Variants in SYNE3 observed in about 807,000 individuals in gnomAD.
SYNE3 encodes the protein spectrin repeat containing nuclear envelope family member 3, also known as nesprin-3.
Under a neutral mutation model 111.2 loss-of-function variants are expected in SYNE3, and 100 were observed. The observed-to-expected ratio is 0.90, with a 90% CI of 0.77 to 1.06. The LOEUF (loss-of-function observed/expected upper bound fraction) is 1.06. Ranked by LOEUF, SYNE3 falls within the 50% of genes least tolerant of loss-of-function variation. The pLI is 0.00. For missense variants in SYNE3, 1,160 were observed against 1,240.3 expected (o/e 0.94, Z 0.97); for synonymous variants, 547 against 533.9 (o/e 1.02, Z -0.34).
intron 13 of SYNE3, 130 bp downstream of exon 13, chr14:95,439,482 G>A (rs1331365611): frequency 8.0e-7 from 1 of 1,243,366 alleles, no homozygotes; most frequent in East Asian, 2.4e-5. Flanking sequence ...GCCAAAGTGT[G>A]AAGGTGCCCA....
Position 95,485,508 on chromosome 14 carries a change from C to A in SYNE3, c.-14-9673G>T, listed in dbSNP as rs1167625960. On this transcript the variant is annotated intron_variant, in intron 1 of 17. Transcript: ENST00000682763. This position sits in a 1 kb window ranked among gnomAD's most constrained non-coding sequence, Gnocchi z 4.3. ...GCTCCCCGACCAAAGACAGGACGCCCTAACCTACAGGTGCTAGGAGCTCTG... is the reference window on the plus strand; with the variant it reads ...GCTCCCCGACCAAAGACAGGACGCCATAACCTACAGGTGCTAGGAGCTCTG... 6.6e-6 allele frequency among the ~76,000 whole-genome samples: 1 copy of A among 152,166 alleles called. No individual in the cohort carries two copies. Among genetic ancestry groups the A allele is most frequent in the Non-Finnish European group, 1.5e-5 (1 of 68,018 alleles).
rs558006316 is a variant in SYNE3 at position 95,442,641 on chromosome 14, A to C, written c.1911+514T>G. ...TGAAGGAGCTTTGAGTTCCATCCCT[A>C]CTGCTGGAAGGGGACTGAATCCTGG... On this transcript the variant is annotated intron_variant, in intron 11 of 17. Coordinates refer to ENST00000682763, the MANE Select transcript of SYNE3 (RefSeq NM_152592.6). Among the ~76,000 whole-genome samples, 7 of 152,172 alleles carry C rather than the reference A, an allele frequency of 4.6e-5. No individual in the cohort carries two copies. The South Asian group carries it at 1.5e-3, about 32-fold the overall frequency.
rs1389473469 is a variant in SYNE3 at position 95,437,071 on chromosome 14, G to A, written c.2377-90C>T. 5.2e-6 allele frequency: 8 copies of A among 1,549,564 alleles called. No homozygotes were observed. The Admixed American group carries it at 5.4e-5, about 10-fold the overall frequency. On this transcript the variant is annotated intron_variant, in intron 14 of 17. Coordinates refer to ENST00000682763, the MANE Select transcript of SYNE3 (RefSeq NM_152592.6). ...AATTCCACCTGAGGCAGAGGGGCAGGGACCAGGACAAGATGCCCAAAATGG... is the reference window on the plus strand; with the variant it reads ...AATTCCACCTGAGGCAGAGGGGCAGAGACCAGGACAAGATGCCCAAAATGG...
chr14:95,433,493 T>C, intron 15 of SYNE3, 84 bp from the exon 16 acceptor site: 1 of 1,554,388 alleles, frequency 6.4e-7, no homozygotes, highest in Non-Finnish European at 8.7e-7. Context: ...TCCATCAAAT[T>C]TCACTTGACA....
chr14:95,437,682 T>G (rs760691024), intron 14 of SYNE3: 5 of 152,280 alleles, frequency 3.3e-5, no homozygotes, highest in Non-Finnish European at 7.3e-5. Flanking sequence ...TTGTTTTTTG[T>G]TTTTTGTAAA....
At chr14:95,427,755 C>A (rs1566956740) in intron 17 of SYNE3, among the ~76,000 whole-genome samples, 1 of 143,422 alleles carries the variant, frequency 7.0e-6, no homozygotes, top group Non-Finnish European at 1.5e-5. Flanking sequence ...GGGCCACTAC[C>A]GGTCTCTGTG....
intron 1 of SYNE3, among the ~76,000 whole-genome samples, chr14:95,487,917 T>TTCCTCCTCC (rs57519352): frequency 6.7e-6 from 1 of 149,772 alleles, no homozygotes; most frequent in East Asian, 2.0e-4. Flanking sequence ...ACCCCTCCTC[T>TTCCTCCTCC]TCCTCCTCCT....
At chr14:95,513,737 T>TTATA (rs59944497) in intron 1 of SYNE3, among the ~76,000 whole-genome samples, 4,746 of 92,322 alleles carry the variant, frequency 0.051, 198 homozygotes, top group East Asian at 0.082. Flanking sequence ...GCTGCTTAGA[T>TTATA]TATATATATA....
intron 1 of SYNE3, 87 bp from the exon 2 acceptor site, chr14:95,475,922 A>C: frequency 7.8e-7 from 1 of 1,274,364 alleles, no homozygotes; most frequent in Non-Finnish European, 1.0e-6. Flanking sequence ...GGACAGGCCC[A>C]CTCCCACCAC....
chr14:95,471,906 A>C (rs1888553137), intron 2 of SYNE3, among the ~76,000 whole-genome samples: 1 of 152,250 alleles, frequency 6.6e-6, no homozygotes, highest in Non-Finnish European at 1.5e-5. Flanking sequence ...GGGGTTAATC[A>C]GGGTTTTCCC....
intron 1 of SYNE3, among the ~76,000 whole-genome samples, chr14:95,487,780 T>G (rs1215551832): frequency 6.6e-6 from 1 of 152,158 alleles, no homozygotes; most frequent in Non-Finnish European, 1.5e-5. Context: ...CCTAGAGTTT[T>G]GTACATGAAT....
chr14:95,456,466 A>C (rs1887444607), intron 5 of SYNE3, among the ~76,000 whole-genome samples: 1 of 152,150 alleles, frequency 6.6e-6, no homozygotes, highest in Non-Finnish European at 1.5e-5. Context: ...TGTCCTGTGC[A>C]CTGTAGGATG....
chr14:95,454,843 A>G (rs1270759695), intron 6 of SYNE3, among the ~76,000 whole-genome samples: 3 of 152,148 alleles, frequency 2.0e-5, no homozygotes, highest in Non-Finnish European at 4.4e-5. Context: ...CCACAAGTCA[A>G]GCTTCAGTTC....
intron 1 of SYNE3, among the ~76,000 whole-genome samples, chr14:95,515,387 C>T (rs1215609710): frequency 2.0e-5 from 3 of 152,232 alleles, no homozygotes; most frequent in Non-Finnish European, 4.4e-5. Context: ...CCTCCCAGCT[C>T]CTGACTCCTA....
Position 95,433,559 on chromosome 14 carries a change from G to A in SYNE3, c.2539-150C>T, listed in dbSNP as rs145456418. The A allele has an allele frequency of 3.5e-6, 4 of 1,147,918 alleles. No homozygotes were observed. In the African/African-American group the frequency reaches 6.2e-5, roughly 18 times the overall value. 71.1% of individuals were successfully genotyped at this position (1,147,918 alleles called of 1,614,324 possible). On this transcript the variant is annotated intron_variant, in intron 15 of 17. Transcript: ENST00000682763. ...TCCATAAAGTGGGACTCCCATCTGT[G>A]CAATTCAAGCCAAGGCCTAGCCCTT...
chr14:95,455,591 A>G lies in SYNE3; in HGVS notation c.923T>C (p.Val308Ala). The G allele has an allele frequency of 6.2e-7, 1 of 1,614,024 alleles. No individual in the cohort carries two copies. The highest frequency in any genetic ancestry group is 1.1e-5 in the South Asian group (1 of 91,064). ...ITGELEEMRK[V>A]LEKLRALWEE... is the part of the protein sequence containing the mutation. ...CCAGAGGGCGCGCAGCTTCTCCAGAACTTTCCTCATCTCTTCCAGTTCTCC... is the reference window on the plus strand; with the variant it reads ...CCAGAGGGCGCGCAGCTTCTCCAGAGCTTTCCTCATCTCTTCCAGTTCTCC... Residue 308 changes from valine (V) to alanine (A), a missense_variant, in exon 6 of 18, where the codon GTT (valine) becomes GCT (alanine). Coordinates refer to ENST00000682763, the MANE Select transcript of SYNE3 (RefSeq NM_152592.6).
rs1297400165 is a variant in SYNE3 at position 95,411,279 on chromosome 14, A to G, written c.*6547T>C. On this transcript the variant is annotated 3_prime_UTR_variant, in exon 18 of 18. Coordinates refer to ENST00000682763, the MANE Select transcript of SYNE3 (RefSeq NM_152592.6). The stretch of plus-strand genomic sequence containing the variant: ...TCACCCAATTACTAGATGAAGGAAA[A>G]ATGATTTTTTGATTGGGAACATCCT... 7.1e-6 allele frequency: 1 copy of G among 141,514 alleles called. No homozygotes were observed. The highest frequency in any genetic ancestry group is 2.7e-5 in the African/African-American group (1 of 37,306). The allele number at this position is 141,514 out of a possible 1,614,324, so 8.8% of individuals were successfully genotyped here. A position where few individuals can be genotyped will look rare whatever the true frequency, so the allele number is the denominator to read the frequency against.
In SYNE3 at chr14:95,409,784, T is replaced by G. The variant is rs538745757; in HGVS notation, c.*8042A>C. The G allele has an allele frequency of 1.3e-5, 3 of 229,558 alleles. No homozygotes were observed. The highest frequency in any genetic ancestry group is 2.3e-5 in the African/African-American group (1 of 43,746). The allele number at this position is 229,558 out of a possible 1,614,324, so 14.2% of individuals were successfully genotyped here. A position where few individuals can be genotyped will look rare whatever the true frequency, so the allele number is the denominator to read the frequency against. On this transcript the variant is annotated 3_prime_UTR_variant, in exon 18 of 18. Transcript: ENST00000682763. ...GCTGGTTTTAAGTCCTCTTTGACTC[T>G]GGGCCTCTGCTGAAGCAGCCTGCAG...
At chr14:95,474,534 G>A (rs1307553070) in intron 2 of SYNE3, among the ~76,000 whole-genome samples, 1 of 152,196 alleles carries the variant, frequency 6.6e-6, no homozygotes, top group Non-Finnish European at 1.5e-5. Context: ...ACAGCAGAGA[G>A]CTTGAACGTG....
Sources: allele counts gnomAD v4.1 joint callset (sites outside exome capture counted in the v4.1 genomes callset), GRCh38; gene constraint gnomAD v4.1.1; non-coding constraint Gnocchi (gnomAD v3.1); transcripts MANE v1.5; gene names NCBI Gene and HGNC (gene_info 2026-07-23, HGNC 2026-07-21).